Variants in NKAIN1 observed in about 807,000 individuals in gnomAD.
NKAIN1 encodes the protein sodium/potassium-transporting ATPase subunit beta-1-interacting protein 1.
Under a neutral mutation model 31.6 loss-of-function variants are expected in NKAIN1, and 13 were observed. That is an observed-to-expected ratio of 0.41 (90% confidence interval 0.27 to 0.65). The LOEUF (loss-of-function observed/expected upper bound fraction) is 0.65, where lower values mean the gene tolerates loss of function less well. NKAIN1 is among the 30% of genes least tolerant of loss of function. The probability of loss-of-function intolerance (pLI) is 0.30; values close to 1 mark genes in which losing one functional copy is unlikely to be tolerated. For missense variants in NKAIN1, 193 were observed against 262.2 expected (o/e 0.74, Z 1.82); for synonymous variants, 104 against 109.0 (o/e 0.95, Z 0.28).
At chr1:31,183,704 T>A in intron 4 of NKAIN1, 113 bp downstream of exon 4, 1 of 1,148,002 alleles carries the variant, frequency 8.7e-7, no homozygotes, top group South Asian at 1.5e-5. Context: ...AGCCATGGCC[T>A]CCCAAAGTGC....
chr1:31,225,119 T>C (rs2377729), intron 1 of NKAIN1, among the ~76,000 whole-genome samples: 46,674 of 142,382 alleles, frequency 0.33, 9,831 homozygotes, highest in African/African-American at 0.61. Flanking sequence ...GCTCCACCTC[T>C]TGGGTTCAAG....
chr1:31,186,175 C>T (rs1196051047), intron 2 of NKAIN1, among the ~76,000 whole-genome samples: 1 of 151,682 alleles, frequency 6.6e-6, no homozygotes, highest in Non-Finnish European at 1.5e-5. Context: ...CCAGCCTGAC[C>T]AACATGGAGA....
At chr1:31,197,545 C>CTTTT (rs754860679) in intron 1 of NKAIN1, among the ~76,000 whole-genome samples, 4 of 111,392 alleles carry the variant, frequency 3.6e-5, no homozygotes, top group African/African-American at 6.8e-5. Context: ...CGTGCCCGGC[C>CTTTT]TTTTTTTTTT....
intron 1 of NKAIN1, among the ~76,000 whole-genome samples, chr1:31,226,617 C>T (rs993888563): frequency 1.4e-4 from 21 of 151,762 alleles, no homozygotes; most frequent in African/African-American, 4.8e-4. Flanking sequence ...CTCCGCCTCC[C>T]GGGTTCAAGC....
rs575983191 is a variant in NKAIN1 at position 31,197,197 on chromosome 1, T to C, written c.55-9010A>G. On this transcript the variant is annotated intron_variant, in intron 1 of 6. Coordinates refer to ENST00000373736, the MANE Select transcript of NKAIN1 (RefSeq NM_024522.3). ...CACAATCTCGGCTCACTGCAAGCTC[T>C]GCCTCCCAGGTTCACGCCATTCTCC... 1.9e-4 allele frequency among the ~76,000 whole-genome samples: 29 copies of C among 150,492 alleles called. No homozygotes were observed. The East Asian group carries it at 4.9e-3, about 26-fold the overall frequency.
At chr1:31,186,775 A>T (rs1645247645) in intron 2 of NKAIN1, among the ~76,000 whole-genome samples, 2 of 152,066 alleles carry the variant, frequency 1.3e-5, no homozygotes, top group Admixed American at 1.3e-4. Context: ...CAATCTTTCC[A>T]TCTGTCTGGA....
At chr1:31,209,653 C>T (rs1345926370) in intron 1 of NKAIN1, among the ~76,000 whole-genome samples, 1 of 151,164 alleles carries the variant, frequency 6.6e-6, no homozygotes, top group Non-Finnish European at 1.5e-5. Flanking sequence ...CCTGTCTCTA[C>T]AAAAAATAAA....
chr1:31,200,458 C>CTTTTT (rs3081712), intron 1 of NKAIN1, among the ~76,000 whole-genome samples: 10 of 121,864 alleles, frequency 8.2e-5, no homozygotes, highest in African/African-American at 2.5e-4. Context: ...TCTCCTCTCT[C>CTTTTT]TTTTTTTTTT....
chr1:31,213,105 TAC>T (rs1258664109), intron 1 of NKAIN1, among the ~76,000 whole-genome samples: 5 of 141,656 alleles, frequency 3.5e-5, no homozygotes, highest in Admixed American at 7.5e-5. Flanking sequence ...TGAAAATTTG[TAC>T]AGATAAAGTT....
At chr1:31,211,029 A>G (rs1645464714) in intron 1 of NKAIN1, among the ~76,000 whole-genome samples, 1 of 152,218 alleles carries the variant, frequency 6.6e-6, no homozygotes, top group Non-Finnish European at 1.5e-5. Context: ...GGGCATCTAC[A>G]GAAAAGCCAC....
At chr1:31,220,182 T>G (rs539423225) in intron 1 of NKAIN1, among the ~76,000 whole-genome samples, 44,161 of 147,426 alleles carry the variant, frequency 0.3, 8,250 homozygotes, top group African/African-American at 0.54. Context: ...TAATTTTTTT[T>G]TTTTTTTTTT....
At chr1:31,212,148 T>C (rs566315442) in intron 1 of NKAIN1, among the ~76,000 whole-genome samples, 2 of 152,222 alleles carry the variant, frequency 1.3e-5, no homozygotes, top group South Asian at 2.1e-4. Context: ...ACCAAATCCA[T>C]ACATCTATTG....
At chr1:31,184,045 G>GT in intron 3 of NKAIN1, 31 bp from the exon 4 acceptor site, 1 of 1,593,272 alleles carries the variant, frequency 6.3e-7, no homozygotes, top group Non-Finnish European at 8.6e-7. Flanking sequence ...GATACTGAGT[G>GT]TGAGGGAGAG....
At chr1:31,231,652 TCCC>T (rs749783856) in intron 1 of NKAIN1, among the ~76,000 whole-genome samples, 1 of 152,036 alleles carries the variant, frequency 6.6e-6, no homozygotes, top group Non-Finnish European at 1.5e-5. Flanking sequence ...TGCCTCAGCC[TCCC>T]GAGTAGCTGG....
In NKAIN1 at chr1:31,181,027, A is replaced by C. The variant is rs1645193222; in HGVS notation, c.*676T>G. ...TGTTCAAGGCCCACTTCCACCAAAAATCTAGCTGTGTGGCCTCAAGCAAAT... is the reference window on the plus strand; with the variant it reads ...TGTTCAAGGCCCACTTCCACCAAAACTCTAGCTGTGTGGCCTCAAGCAAAT... On this transcript the variant is annotated 3_prime_UTR_variant, in exon 7 of 7. Coordinates refer to ENST00000373736, the MANE Select transcript of NKAIN1 (RefSeq NM_024522.3). 1 of 152,174 alleles carries C rather than the reference A, an allele frequency of 6.6e-6. No individual in the cohort carries two copies. The highest frequency in any genetic ancestry group is 1.5e-5 in the Non-Finnish European group (1 of 68,036). The allele number at this position is 152,174 out of a possible 1,614,324, so 9.4% of individuals were successfully genotyped here.
intron 2 of NKAIN1, among the ~76,000 whole-genome samples, chr1:31,185,997 G>A (rs962396353): frequency 2.6e-5 from 4 of 151,784 alleles, no homozygotes; most frequent in African/African-American, 9.7e-5. Context: ...GGAGGCTGAG[G>A]TGGGCAGATC....
chr1:31,190,116 G>T (rs1484584794), intron 1 of NKAIN1, among the ~76,000 whole-genome samples: 1 of 152,194 alleles, frequency 6.6e-6, no homozygotes, highest in African/African-American at 2.4e-5. Context: ...TGGCTGGGGA[G>T]GGGGAGGGAA....
At chr1:31,234,438 A>T (rs1168514663) in intron 1 of NKAIN1, among the ~76,000 whole-genome samples, 1 of 149,386 alleles carries the variant, frequency 6.7e-6, no homozygotes, top group Non-Finnish European at 1.5e-5. Context: ...GCTGGAAGCT[A>T]CATCCCGCCC....
At chr1:31,214,408 A>G (rs1231054248) in intron 1 of NKAIN1, among the ~76,000 whole-genome samples, 2 of 151,750 alleles carry the variant, frequency 1.3e-5, no homozygotes, top group African/African-American at 2.4e-5. Flanking sequence ...TGAATTGTAC[A>G]CTTTAAAATG....
Sources: gnomAD v4.1 joint callset for allele counts (sites outside exome capture counted in the v4.1 genomes callset) on GRCh38, gnomAD v4.1.1 for gene constraint, MANE v1.5 for transcripts, NCBI Gene and HGNC (gene_info 2026-07-23, HGNC 2026-07-21) for gene names.